The following CSMD2 variants were observed in gnomAD, a reference collection of about 807,000 sequenced individuals.
CSMD2 encodes the protein CUB and Sushi multiple domains 2.
In CSMD2, 130 loss-of-function variants were observed where a neutral mutation model predicts 398.5. The ratio of observed to expected loss-of-function variants is 0.33; its 90% CI spans 0.28 to 0.38. CSMD2 has a LOEUF of 0.38. Ranked by LOEUF, CSMD2 falls within the 10% of genes least tolerant of loss-of-function variation. The pLI is 1.00. For missense variants in CSMD2, 3,829 were observed against 4,764.9 expected (o/e 0.80, Z 5.78); for synonymous variants, 1,828 against 1,908.5 (o/e 0.96, Z 1.10).
upstream of CSMD2, chr1:34,165,839 A>G: frequency 6.9e-7 from 1 of 1,444,790 alleles, no homozygotes; most frequent in Non-Finnish European, 9.3e-7. Context: ...ACCCCATCCC[A>G]GGAGAGGGGC....
chr1:33,729,148 G>T (rs975767022), intron 15 of CSMD2, among the ~76,000 whole-genome samples: 9 of 152,154 alleles, frequency 5.9e-5, no homozygotes, highest in Non-Finnish European at 1.0e-4. Context: ...CCCATTTACT[G>T]CCCGGGGAGC....
Position 33,745,285 on chromosome 1 carries a change from C to T in CSMD2, c.1847-1679G>A, listed in dbSNP as rs183465403. ...ATAAAAACTATATCAGGGTCGTAGG[C>T]GTTCAAAATGAAACAACATTTAATT... is the stretch of plus-strand genomic sequence containing the variant. On this transcript the variant is annotated intron_variant, in intron 13 of 70. Transcript: ENST00000373381. Among the ~76,000 whole-genome samples the T allele has an allele frequency of 1.9e-4, 29 of 152,186 alleles. No homozygotes were observed. In the East Asian group the frequency reaches 3.5e-3, roughly 18 times the overall value.
intron 3 of CSMD2, among the ~76,000 whole-genome samples, chr1:33,969,842 G>A (rs1026929549): frequency 2.6e-5 from 4 of 152,094 alleles, no homozygotes; most frequent in Admixed American, 6.5e-5. Context: ...GCCGGGCGTG[G>A]TGGCTCACGC....
chr1:33,841,629 C>T (rs542935166), intron 6 of CSMD2, among the ~76,000 whole-genome samples: 1 of 140,808 alleles, frequency 7.1e-6, no homozygotes, highest in East Asian at 2.2e-4. Context: ...CCTCAATAGG[C>T]CTACCAGAAC....
At chr1:33,808,118 A>C (rs1656432405) in intron 10 of CSMD2, among the ~76,000 whole-genome samples, 1 of 152,094 alleles carries the variant, frequency 6.6e-6, no homozygotes, top group Non-Finnish European at 1.5e-5. Flanking sequence ...ACAGTCTCAA[A>C]ATACATGAAG....
At chr1:34,165,275 G>C, upstream of CSMD2, 1 of 1,188,198 alleles carries the variant, frequency 8.4e-7, no homozygotes, top group Non-Finnish European at 1.0e-6. Context: ...CTGCGCTCTC[G>C]GAAATGACTC....
chr1:34,158,075 T>C (rs902364996), intron 1 of CSMD2, among the ~76,000 whole-genome samples: 6 of 152,178 alleles, frequency 3.9e-5, no homozygotes, highest in Non-Finnish European at 8.8e-5. Flanking sequence ...GTCCAGGAGA[T>C]TGAGCTCTCT....
intron 3 of CSMD2, among the ~76,000 whole-genome samples, chr1:33,939,873 C>T (rs780847054): frequency 1.6e-4 from 24 of 152,286 alleles, no homozygotes; most frequent in Middle Eastern, 3.4e-3. Context: ...GATCTGGCTG[C>T]GCAATCTTGA....
intron 1 of CSMD2, among the ~76,000 whole-genome samples, chr1:34,095,267 GA>G (rs1249945375): frequency 2.1e-4 from 26 of 125,984 alleles, no homozygotes; most frequent in African/African-American, 7.8e-4. Flanking sequence ...GCAGTGTGTA[GA>G]GGGAAATTTA....
intron 57 of CSMD2, among the ~76,000 whole-genome samples, chr1:33,545,088 C>A (rs1374003363): frequency 6.6e-6 from 1 of 152,184 alleles, no homozygotes; most frequent in Non-Finnish European, 1.5e-5. Flanking sequence ...CCATTACACA[C>A]TTCCCAATTC....
At chr1:34,018,553 C>T (rs900669317) in intron 3 of CSMD2, among the ~76,000 whole-genome samples, 15 of 152,216 alleles carry the variant, frequency 9.9e-5, no homozygotes, top group African/African-American at 3.6e-4. Context: ...TCCAGCACTG[C>T]ATCATACCCA....
chr1:33,665,413 C>T (rs1644273813), intron 25 of CSMD2, among the ~76,000 whole-genome samples: 1 of 143,994 alleles, frequency 6.9e-6, no homozygotes, highest in African/African-American at 2.5e-5. Context: ...AAACTTTAAT[C>T]AAAACTTTAA....
chr1:33,931,390 T>A (rs543724637), intron 4 of CSMD2, among the ~76,000 whole-genome samples: 1 of 152,296 alleles, frequency 6.6e-6, no homozygotes, highest in African/African-American at 2.4e-5. Flanking sequence ...GGAAATCACT[T>A]TTATAAAATC....
chr1:33,676,455 A>G (rs1644714695), intron 25 of CSMD2, among the ~76,000 whole-genome samples: 1 of 152,222 alleles, frequency 6.6e-6, no homozygotes, highest in African/African-American at 2.4e-5. Context: ...CAAGGAAATA[A>G]AAGAGGATAC....
intron 41 of CSMD2, among the ~76,000 whole-genome samples, chr1:33,607,757 T>C (rs567531900): frequency 1.2e-4 from 19 of 152,284 alleles, no homozygotes; most frequent in Admixed American, 7.8e-4. Context: ...AGGTGAACGC[T>C]GAGGGAGTGG....
At chr1:33,875,977 C>G (rs1336625845) in intron 5 of CSMD2, among the ~76,000 whole-genome samples, 9 of 152,254 alleles carry the variant, frequency 5.9e-5, no homozygotes, top group Admixed American at 5.9e-4. Flanking sequence ...AGGAGAACCC[C>G]AAGGTCTAGG....
intron 3 of CSMD2, among the ~76,000 whole-genome samples, chr1:33,943,616 A>C (rs1394812697): frequency 6.6e-6 from 1 of 152,046 alleles, no homozygotes; most frequent in East Asian, 1.9e-4. Context: ...CCATCTAAGG[A>C]GTTACGTGGG....
chr1:33,869,261 T>C (rs1171712443), intron 5 of CSMD2: 2 of 152,122 alleles, frequency 1.3e-5, no homozygotes, highest in African/African-American at 4.8e-5. Flanking sequence ...CTCTAAAGGA[T>C]TGCAAGAAAG....
intron 3 of CSMD2, among the ~76,000 whole-genome samples, chr1:33,968,488 T>C (rs1645640846): frequency 1.3e-5 from 2 of 152,224 alleles, no homozygotes; most frequent in Admixed American, 1.3e-4. Context: ...TAAGACTCTG[T>C]CTTAGCAGAT....
Sources: allele counts gnomAD v4.1 joint callset (sites outside exome capture counted in the v4.1 genomes callset), GRCh38; gene constraint gnomAD v4.1.1; transcripts MANE v1.5; gene names NCBI Gene and HGNC (gene_info 2026-07-23, HGNC 2026-07-21).